The following TRERF1 variants were observed in gnomAD, a reference collection of about 807,000 sequenced individuals.
TRERF1 encodes the protein transcriptional-regulating factor 1.
In TRERF1, 27 loss-of-function variants were observed where a neutral mutation model predicts 122.9. That is an observed-to-expected ratio of 0.22 (90% CI 0.16 to 0.30). The LOEUF is 0.30. Ranked by LOEUF, TRERF1 falls within the 10% of genes least tolerant of loss-of-function variation. TRERF1 has a pLI of 1.00. For synonymous variants in TRERF1, 636 were observed against 641.7 expected (o/e 0.99, Z 0.13); for missense variants, 1,248 against 1,560.3 (o/e 0.80, Z 3.37).
At chr6:42,243,033 C>T (rs141436507) in intron 15 of TRERF1, among the ~76,000 whole-genome samples, 9 of 152,340 alleles carry the variant, frequency 5.9e-5, no homozygotes, top group African/African-American at 2.2e-4. Flanking sequence ...ACCTCTGTTT[C>T]TGAACACTGA....
At chr6:42,414,919 A>G (rs1781617237) in intron 2 of TRERF1, among the ~76,000 whole-genome samples, 1 of 152,234 alleles carries the variant, frequency 6.6e-6, no homozygotes, top group African/African-American at 2.4e-5. Flanking sequence ...ACAGATACCT[A>G]TTAGTGGAAC....
chr6:42,302,379 C>A (rs541456742), intron 3 of TRERF1, among the ~76,000 whole-genome samples: 1 of 152,326 alleles, frequency 6.6e-6, no homozygotes, highest in African/African-American at 2.4e-5. Flanking sequence ...AGAAAGTGCT[C>A]ATTCTTCTAA....
At chr6:42,443,739 G>A (rs566707858) in intron 2 of TRERF1, among the ~76,000 whole-genome samples, 50 of 152,324 alleles carry the variant, frequency 3.3e-4, no homozygotes, top group African/African-American at 1.2e-3. Context: ...TTTTGCTAAA[G>A]GATCACAGAG....
chr6:42,379,035 A>G (rs1056715313), intron 2 of TRERF1, among the ~76,000 whole-genome samples: 1 of 152,122 alleles, frequency 6.6e-6, no homozygotes, highest in Non-Finnish European at 1.5e-5. Flanking sequence ...TGGGAGGATC[A>G]ATTGAGCCCA....
At chr6:42,282,876 T>C (rs138041757) in intron 4 of TRERF1, among the ~76,000 whole-genome samples, 179 of 152,326 alleles carry the variant, frequency 1.2e-3, no homozygotes, top group African/African-American at 4.1e-3. Context: ...GCAACATTTT[T>C]GTCAACTGAT....
rs1274550394 is a variant in TRERF1 at position 42,268,702 on chromosome 6, G to A, written c.889C>T (p.Pro297Ser). 6.2e-7 allele frequency: 1 copy of A among 1,614,196 alleles called. No individual in the cohort carries two copies. The stretch of plus-strand genomic sequence containing the variant: ...TGTGGCGGCGGCTGTGGCTGTGATG[G>A]GCGAATTTGTTGCGGCTGCGTCTGT... The change falls in exon 5 of 18, where the codon CCA becomes TCA. Residue 297 changes from proline (P) to serine (S), a missense_variant. This residue lies in a region of TRERF1 where 946 missense variants were observed against 1,073.0 expected (regional missense o/e 0.88). Transcript: ENST00000372922. The surrounding 1 kb of genome is among the most constrained non-coding windows in gnomAD (Gnocchi z 4.4).
At chr6:42,272,933 A>G (rs1017565758) in intron 4 of TRERF1, among the ~76,000 whole-genome samples, 3 of 152,156 alleles carry the variant, frequency 2.0e-5, no homozygotes, top group African/African-American at 7.2e-5. Flanking sequence ...AGGCAATTCA[A>G]CATCATCTCT....
At chr6:42,439,028 G>T (rs571906270) in intron 2 of TRERF1, among the ~76,000 whole-genome samples, 6 of 152,298 alleles carry the variant, frequency 3.9e-5, no homozygotes, top group Admixed American at 3.9e-4. Flanking sequence ...ACACAGAAGT[G>T]AAAGTGCCTC....
chr6:42,443,427 A>G (rs1786889337), intron 2 of TRERF1, among the ~76,000 whole-genome samples: 1 of 152,254 alleles, frequency 6.6e-6, no homozygotes, highest in Non-Finnish European at 1.5e-5. Context: ...ACACAGTAAG[A>G]CTAAGGGCTA....
intron 2 of TRERF1, among the ~76,000 whole-genome samples, chr6:42,366,491 G>A (rs946169880): frequency 3.3e-5 from 5 of 152,134 alleles, no homozygotes; most frequent in African/African-American, 1.2e-4. Context: ...CTAACGGGGA[G>A]GAGGATGGCT....
At chr6:42,376,536 CTTTTT>C (rs781389630) in intron 2 of TRERF1, among the ~76,000 whole-genome samples, 6 of 96,302 alleles carry the variant, frequency 6.2e-5, no homozygotes, top group Non-Finnish European at 9.7e-5. Flanking sequence ...TCGTCTAATT[CTTTTT>C]TTTTTTTTTT....
chr6:42,356,667 C>T lies in TRERF1; in HGVS notation c.-371+6330G>A, dbSNP rs144078059. On this transcript the variant is annotated intron_variant, in intron 3 of 17. Transcript: ENST00000372922. ...TCGGCTCACTGCAGCCTTCATCTCCCGGGTTCAAGCGATTCTCTTGCCTCA... is the reference window on the plus strand; with the variant it reads ...TCGGCTCACTGCAGCCTTCATCTCCTGGGTTCAAGCGATTCTCTTGCCTCA... Among the ~76,000 whole-genome samples the T allele has an allele frequency of 7.5e-3, 1,142 of 152,274 alleles. 7 individuals are homozygous for T. The highest frequency in any genetic ancestry group is 9.5e-3 in the Non-Finnish European group (644 of 68,024).
intron 2 of TRERF1, among the ~76,000 whole-genome samples, chr6:42,418,114 G>T (rs1221520290): frequency 6.6e-6 from 1 of 151,196 alleles, no homozygotes; most frequent in Non-Finnish European, 1.5e-5. Context: ...TGAAGGTCTT[G>T]TTAAAACTGC....
At chr6:42,281,667 C>T (rs772253207) in intron 4 of TRERF1, among the ~76,000 whole-genome samples, 40 of 152,268 alleles carry the variant, frequency 2.6e-4, no homozygotes, top group Non-Finnish European at 4.7e-4. Flanking sequence ...CTTAAGAGTG[C>T]CCAGACTCTG....
chr6:42,329,545 G>C (rs1378763421), intron 3 of TRERF1, among the ~76,000 whole-genome samples: 2 of 152,140 alleles, frequency 1.3e-5, no homozygotes, highest in Non-Finnish European at 2.9e-5. Context: ...TGAAGGAACT[G>C]AGGATCACAA....
intron 2 of TRERF1, among the ~76,000 whole-genome samples, chr6:42,398,836 T>C (rs1778989345): frequency 2.0e-5 from 3 of 152,216 alleles, no homozygotes; most frequent in African/African-American, 7.2e-5. Context: ...TCATCTTAAG[T>C]AAGCCAGTGA....
At chr6:42,347,692 G>A (rs777529799) in intron 3 of TRERF1, among the ~76,000 whole-genome samples, 1 of 151,998 alleles carries the variant, frequency 6.6e-6, no homozygotes, top group African/African-American at 2.4e-5. Flanking sequence ...AAAGAAAAGC[G>A]GTAAGACCAA....
In TRERF1 at chr6:42,314,309, T is replaced by G. The variant is rs1465024928; in HGVS notation, c.-370-13560A>C. Among the ~76,000 whole-genome samples the G allele has an allele frequency of 3.3e-5, 5 of 152,326 alleles. No homozygotes were observed. The East Asian group carries it at 9.7e-4, about 29-fold the overall frequency. ...AAACATCTCTATTCACAAGAAAACATGCTTTAGAGTATGAGTCTACCCTGA... is the reference window on the plus strand; with the variant it reads ...AAACATCTCTATTCACAAGAAAACAGGCTTTAGAGTATGAGTCTACCCTGA... On this transcript the variant is annotated intron_variant, in intron 3 of 17. Coordinates refer to ENST00000372922, the Ensembl canonical transcript of TRERF1.
intron 3 of TRERF1, among the ~76,000 whole-genome samples, chr6:42,316,493 C>A (rs1762524639): frequency 6.6e-6 from 1 of 152,114 alleles, no homozygotes; most frequent in Non-Finnish European, 1.5e-5. Context: ...AGGCAGACAC[C>A]TTCATTAATA....
Sources: allele counts gnomAD v4.1 joint callset (sites outside exome capture counted in the v4.1 genomes callset), GRCh38; gene constraint gnomAD v4.1.1; regional missense constraint gnomAD v4.1.1; non-coding constraint Gnocchi (gnomAD v3.1); transcripts MANE v1.5; gene names NCBI Gene and HGNC (gene_info 2026-07-23, HGNC 2026-07-21).